Variants in LACC1 observed in about 807,000 individuals in gnomAD.
The protein encoded by LACC1 is laccase domain multifunctional purine nucleosidase 1.
LACC1 carries 25 observed loss-of-function variants against 34.8 expected under a neutral mutation model. That is an observed-to-expected ratio of 0.72 (90% confidence interval 0.52 to 1.00). The LOEUF (loss-of-function observed/expected upper bound fraction) is 1.00. LACC1 is among the 50% of genes least tolerant of loss of function. The pLI, the probability that LACC1 is intolerant of heterozygous loss-of-function variation, is 0.00. For missense variants in LACC1, 426 were observed against 511.2 expected (o/e 0.83, Z 1.61); for synonymous variants, 162 against 168.0 (o/e 0.96, Z 0.28).
chr13:43,885,449 G>A (rs1189094543), intron 4 of LACC1, among the ~76,000 whole-genome samples: 2 of 151,986 alleles, frequency 1.3e-5, no homozygotes, highest in Non-Finnish European at 2.9e-5. Flanking sequence ...TAGAAATAAA[G>A]CCACACACCT....
At chr13:43,890,330 A>G in intron 6 of LACC1, 56 bp downstream of exon 6, 1 of 1,385,980 alleles carries the variant, frequency 7.2e-7, no homozygotes, top group Non-Finnish European at 9.9e-7. Context: ...CCCTCTCTCC[A>G]CTTCTCCCTC....
At position 43,893,172 on chromosome 13, in the gene LACC1, A is replaced by C. The variant is rs1403661413; in HGVS notation, c.*1725A>C. 1 of 152,134 alleles carries C rather than the reference A, an allele frequency of 6.6e-6. No homozygotes were observed. The highest frequency in any genetic ancestry group is 2.4e-5 in the African/African-American group (1 of 41,454). 9.4% of individuals were successfully genotyped at this position (152,134 alleles called of 1,614,324 possible). A position where few individuals can be genotyped will look rare whatever the true frequency, so the allele number is the denominator to read the frequency against. On this transcript the variant is annotated 3_prime_UTR_variant, in exon 7 of 7. Transcript: ENST00000325686. ...TAATACATATATTTCCTACATGTATATGTGGTAGCATGATAGCAAATAACA... is the reference window on the plus strand; with the variant it reads ...TAATACATATATTTCCTACATGTATCTGTGGTAGCATGATAGCAAATAACA...
rs34414396 is a variant in LACC1, at chr13:43,881,097, A to G, written c.112A>G (p.Lys38Glu). Residue 38 changes from lysine to glutamate, a missense_variant, in exon 2 of 7, where the codon AAG becomes GAG. By Grantham distance (56) the Lys-to-Glu change is moderately conservative (BLOSUM62 1). Coordinates refer to ENST00000325686, the MANE Select transcript of LACC1 (RefSeq NM_153218.4). Reference sequence around the variant, plus strand: ...TGCTGTCCAATACCACCATGCTGCCAAGGCCAAGTTTCTCTGTATAATGTG... The same window carrying G: ...TGCTGTCCAATACCACCATGCTGCCGAGGCCAAGTTTCTCTGTATAATGTG... The part of the protein sequence containing the change: ...LNAVQYHHAA[K>E]AKFLCIMCCS... 8,734 of 1,614,198 alleles carry G rather than the reference A, an allele frequency of 5.4e-3. 49 individuals are homozygous for G. Among genetic ancestry groups the G allele is most frequent in the Non-Finnish European group, 5.1e-3 (6,071 of 1,180,018 alleles).
At chr13:43,879,260 A>G (rs1427963146), upstream of LACC1, 1 of 151,830 alleles carries the variant, frequency 6.6e-6, no homozygotes, top group African/African-American at 2.4e-5. Context: ...CCGGGCCCCT[A>G]GTTCCCCGCC....
Position 43,891,720 on chromosome 13 carries a change from G to T in LACC1, c.*273G>T, listed in dbSNP as rs535092491. On this transcript the variant is annotated 3_prime_UTR_variant, in exon 7 of 7. Transcript: ENST00000325686. ...CTGTTTATTACACAGATCAGGAATA[G>T]ATTTGTTCAGTTCAGTATTTATTGG... 556 of 242,978 alleles carry T rather than the reference G, an allele frequency of 2.3e-3. 4 individuals carry two copies. The highest frequency in any genetic ancestry group is 3.3e-3 in the Non-Finnish European group (494 of 151,144). The allele number at this position is 242,978 out of a possible 1,614,324, so 15.1% of individuals were successfully genotyped here.
chr13:43,884,373 A>G (rs1286545861), intron 4 of LACC1, among the ~76,000 whole-genome samples: 3 of 151,898 alleles, frequency 2.0e-5, no homozygotes, highest in Non-Finnish European at 4.4e-5. Context: ...TTTTCAAAAC[A>G]CTCCCTAGGG....
intron 4 of LACC1, among the ~76,000 whole-genome samples, chr13:43,884,771 G>A (rs1181289209): frequency 6.6e-6 from 1 of 152,078 alleles, no homozygotes; most frequent in Non-Finnish European, 1.5e-5. Flanking sequence ...AAAAAAGAAA[G>A]TAGCATATTT....
Position 43,883,779 on chromosome 13 carries a change from T to G in LACC1, c.750T>G (p.His250Gln). The G allele has an allele frequency of 1.2e-6, 2 of 1,610,186 alleles. No individual in the cohort carries two copies. Among genetic ancestry groups the G allele is most frequent in the Non-Finnish European group, 1.7e-6 (2 of 1,177,938 alleles). Residue 250 changes from histidine to glutamine, a missense_variant, in exon 4 of 7, where the codon CAT (histidine) becomes CAG (glutamine). His to Gln is a conservative substitution (Grantham distance 24). This residue lies in a region of LACC1 where 209 missense variants were observed against 300.3 expected (regional missense o/e 0.70). Transcript: ENST00000325686. ...CACATTTTTGGTATTAGACTCATCA[T>G]TCCAATGACATCTGGATTATGGGAA... ...VEKFYRIKTH[H>Q]SNDIWIMGRK...
rs1193107402 is a variant in LACC1, at chr13:43,891,972, G to A, written c.*525G>A. On this transcript the variant is annotated 3_prime_UTR_variant, in exon 7 of 7. Transcript: ENST00000325686. ...ATATCACATGGGCTCGAAAGATGTA[G>A]AGGTTTTTGACAAATGAAGAACAAC... 6.6e-6 allele frequency: 1 copy of A among 152,104 alleles called. No homozygotes were observed. Among genetic ancestry groups the A allele is most frequent in the Non-Finnish European group, 1.5e-5 (1 of 68,002 alleles). 9.4% of individuals were successfully genotyped at this position (152,104 alleles called of 1,614,324 possible).
At position 43,888,882 on chromosome 13, in the gene LACC1, C is replaced by T. The variant is rs777867724; in HGVS notation, c.1033C>T (p.Leu345Phe). The change falls in exon 5 of 7, where the codon CTT becomes TTT. Residue 345 changes from leucine to phenylalanine, a missense_variant. This residue lies in a region of LACC1 where 209 missense variants were observed against 300.3 expected (regional missense o/e 0.70). Transcript: ENST00000325686. Reference sequence around the variant, plus strand: ...TTCAGTAGGACCTTGCTGTTTTACTCTTCCAAGGGAATCAGCAGAGGCATT... The same window carrying T: ...TTCAGTAGGACCTTGCTGTTTTACTTTTCCAAGGGAATCAGCAGAGGCATT... ...GPSVGPCCFTLPRESAEAFHN... is the reference protein window; with the variant it reads ...GPSVGPCCFTFPRESAEAFHN... 1.2e-6 allele frequency: 2 copies of T among 1,613,634 alleles called. No homozygotes were observed. Among genetic ancestry groups the T allele is most frequent in the South Asian group, 2.2e-5 (2 of 91,076 alleles).
Position 43,881,270 on chromosome 13 carries a change from T to A in LACC1, c.285T>A (p.Ile95=). The stretch of plus-strand genomic sequence containing the variant: ...CTTTGTATACCATTAAACAGAAAAT[T>A]GATGAAAAAAATCTGAGCAGCATTA... ...AATLYTIKQK[I]DEKNLSSIKV... Residue 95 remains isoleucine (I), a synonymous_variant, in exon 2 of 7, where the codon ATT becomes ATA. Coordinates refer to ENST00000325686, the MANE Select transcript of LACC1 (RefSeq NM_153218.4). 4 of 1,614,126 alleles carry A rather than the reference T, an allele frequency of 2.5e-6. No individual in the cohort carries two copies. The highest frequency in any genetic ancestry group is 3.4e-6 in the Non-Finnish European group (4 of 1,180,002).
intron 4 of LACC1, among the ~76,000 whole-genome samples, chr13:43,884,959 G>C (rs930662001): frequency 6.6e-6 from 1 of 152,114 alleles, no homozygotes; most frequent in African/African-American, 2.4e-5. Flanking sequence ...AGATCAAGCA[G>C]TCAAAATGAA....
At chr13:43,889,490 T>C (rs183976664) in intron 5 of LACC1, among the ~76,000 whole-genome samples, 37 of 152,316 alleles carry the variant, frequency 2.4e-4, no homozygotes, top group African/African-American at 8.2e-4. Context: ...TATTAATAAC[T>C]GGTGAAAATT....
chr13:43,885,067 A>G (rs75034865), intron 4 of LACC1, among the ~76,000 whole-genome samples: 1 of 152,198 alleles, frequency 6.6e-6, no homozygotes, highest in Non-Finnish European at 1.5e-5. Flanking sequence ...AAAGGTCTCT[A>G]CAATGAGAAG....
chr13:43,889,749 A>C (rs1282598810), intron 5 of LACC1, among the ~76,000 whole-genome samples: 2 of 152,268 alleles, frequency 1.3e-5, no homozygotes, highest in African/African-American at 4.8e-5. Flanking sequence ...ATGAAGGGCC[A>C]GATGACTAAA....
chr13:43,889,969 G>T, intron 5 of LACC1, 145 bp from the exon 6 acceptor site: 1 of 644,678 alleles, frequency 1.6e-6, no homozygotes, highest in East Asian at 2.8e-5. Context: ...ACTAGTCCAT[G>T]TTCTGTAAGT....
chr13:43,881,662 A>G, intron 2 of LACC1, 115 bp downstream of exon 2: 1 of 765,638 alleles, frequency 1.3e-6, no homozygotes, highest in Non-Finnish European at 2.1e-6. Flanking sequence ...TGGGCTGATT[A>G]CTCATTAGCA....
intron 4 of LACC1, among the ~76,000 whole-genome samples, chr13:43,887,273 C>A (rs1046287643): frequency 6.6e-6 from 1 of 152,168 alleles, no homozygotes; most frequent in Non-Finnish European, 1.5e-5. Flanking sequence ...CTAAGTCCTT[C>A]TTGCTTTCAT....
rs375297301 is a variant in LACC1 at position 43,881,317 on chromosome 13, G to C, written c.332G>C (p.Arg111Thr). ...ATTAAGGTAATTGTACCCAGGCACA[G>C]GAAGACATTAATGAAAGCTTTTATT... is the stretch of plus-strand genomic sequence containing the variant. ...SSIKVIVPRHRKTLMKAFIDQ... is the reference protein window; with the variant it reads ...SSIKVIVPRHTKTLMKAFIDQ... The change falls in exon 2 of 7, where the codon AGG becomes ACG. Residue 111 changes from arginine to threonine, a missense_variant. Around this residue, in one of 2 missense-constraint regions of LACC1, gnomAD observed 217 missense variants for 210.9 expected, o/e 1.03. Transcript: ENST00000325686. The C allele has an allele frequency of 1.2e-6, 2 of 1,613,822 alleles. No homozygotes were observed. Among genetic ancestry groups the C allele is most frequent in the African/African-American group, 2.7e-5 (2 of 74,890 alleles).
Sources: gnomAD v4.1 joint callset for allele counts (sites outside exome capture counted in the v4.1 genomes callset) on GRCh38, gnomAD v4.1.1 for gene constraint, gnomAD v4.1.1 regional missense constraint, MANE v1.5 for transcripts, NCBI Gene and HGNC (gene_info 2026-07-23, HGNC 2026-07-21) for gene names.